SFPQ: variants seen among roughly 807,000 people sequenced by gnomAD.
SFPQ encodes the protein splicing factor proline and glutamine rich, also known as splicing factor, proline- and glutamine-rich.
SFPQ carries 11 observed loss-of-function variants against 72.9 expected under a neutral mutation model. The observed-to-expected ratio is 0.15, with a 90% confidence interval of 0.09 to 0.25. The LOEUF is 0.25. Ranked by LOEUF, SFPQ falls within the 10% of genes least tolerant of loss-of-function variation. The pLI is 1.00. For missense variants in SFPQ, 847 were observed against 993.3 expected (o/e 0.85, Z 1.98); for synonymous variants, 506 against 367.3 (o/e 1.38, Z -4.32).
At chr1:35,178,611 T>C (rs1557777938), downstream of SFPQ, 1 of 1,057,406 alleles carries the variant, frequency 9.5e-7, no homozygotes, top group East Asian at 5.2e-5. Flanking sequence ...GGAAAAGCTA[T>C]GCCTTACTGG....
chr1:35,190,391 C>A, intron 4 of SFPQ, 107 bp downstream of exon 4: 1 of 712,046 alleles, frequency 1.4e-6, no homozygotes. Flanking sequence ...TAAGCATATC[C>A]ACATCAAATA....
At chr1:35,186,538 TA>T (rs1639723471) in intron 9 of SFPQ, among the ~76,000 whole-genome samples, 1 of 152,120 alleles carries the variant, frequency 6.6e-6, no homozygotes. Context: ...CCACACCAAA[TA>T]TAGGTCAAAG....
rs1292636455 is a variant in SFPQ at position 35,189,170 on chromosome 1, G to A, written c.1612+16C>T. The A allele has an allele frequency of 8.1e-6, 13 of 1,613,376 alleles. No individual in the cohort carries two copies. In the East Asian group the frequency reaches 1.1e-4, roughly 14 times the overall value. ...AATTGACCTTAGCAATGATGTTCACGCACAGGTCTTTTTACCTTGGCGCAA... is the reference window on the plus strand; with the variant it reads ...AATTGACCTTAGCAATGATGTTCACACACAGGTCTTTTTACCTTGGCGCAA... On this transcript the variant is annotated intron_variant, in intron 5 of 9. Coordinates refer to ENST00000357214, the MANE Select transcript of SFPQ (RefSeq NM_005066.3).
Position 35,190,602 on chromosome 1 carries a change from A to G in SFPQ, c.1320-9T>C. ...TGACTGGACGAGGAGTTCTAATAAC[A>G]AAAATGGTTCCATCTTAGCTTTGTT... On this transcript the variant is annotated splice_polypyrimidine_tract_variant and intron_variant, in intron 3 of 9. Coordinates refer to ENST00000357214, the MANE Select transcript of SFPQ (RefSeq NM_005066.3). 6.2e-7 allele frequency: 1 copy of G among 1,611,068 alleles called. No individual in the cohort carries two copies. The highest frequency in any genetic ancestry group is 8.5e-7 in the Non-Finnish European group (1 of 1,178,162).
chr1:35,189,817 G>A (rs980837588), intron 4 of SFPQ, among the ~76,000 whole-genome samples: 1 of 152,080 alleles, frequency 6.6e-6, no homozygotes, highest in Admixed American at 6.6e-5. Context: ...GGGCATGGTG[G>A]CAGGCACCTG....
At chr1:35,181,333 A>G (rs973303857), downstream of SFPQ, 5 of 1,065,502 alleles carry the variant, frequency 4.7e-6, no homozygotes, top group Non-Finnish European at 5.7e-6. Context: ...TTCCGCCACA[A>G]CTTAGTGGCT....
At position 35,184,464 on chromosome 1, in the gene SFPQ, G is replaced by C; in HGVS notation, c.2116C>G (p.Arg706Gly). The C allele has an allele frequency of 6.2e-7, 1 of 1,607,546 alleles. No homozygotes were observed. The highest frequency in any genetic ancestry group is 8.5e-7 in the Non-Finnish European group (1 of 1,177,770). Residue 706 changes from arginine to glycine, a missense_variant, in exon 10 of 10, where the codon CGA becomes GGA. Coordinates refer to ENST00000357214, the MANE Select transcript of SFPQ (RefSeq NM_005066.3). Reference sequence around the variant, plus strand: ...AAGCCTAAATATCACATCTAAAATCGGGGTTTTTTGTTTGGGCCTTCGTAC... The same window carrying C: ...AAGCCTAAATATCACATCTAAAATCCGGGTTTTTTGTTTGGGCCTTCGTAC... ...EEYEGPNKKP[R>G]F
chr1:35,182,198 T>C (rs1037977071), downstream of SFPQ: 22 of 985,284 alleles, frequency 2.2e-5, no homozygotes, highest in Non-Finnish European at 2.5e-5. Context: ...GTTCACCCTC[T>C]GTGGGTGTCC....
At chr1:35,185,587 T>C (rs142540609) in intron 9 of SFPQ, among the ~76,000 whole-genome samples, 72 of 152,292 alleles carry the variant, frequency 4.7e-4, no homozygotes, top group African/African-American at 1.7e-3. Context: ...CTACACTTTT[T>C]CTCATTCCAT....
At chr1:35,181,552 G>A (rs189549650), downstream of SFPQ, 9,715 of 1,062,262 alleles carry the variant, frequency 9.1e-3, 59 homozygotes, top group Non-Finnish European at 0.01. Flanking sequence ...ATGAGCCAAT[G>A]GGCTATGCTT....
rs1381575651 is a variant in SFPQ at position 35,183,626 on chromosome 1, T to C, written c.*830A>G. On this transcript the variant is annotated 3_prime_UTR_variant, in exon 10 of 10. Transcript: ENST00000357214. ...TCATGTTTAACATCTTTAATTCAAA[T>C]GTAAAAGTTCAATACAAGCCATTTA... 4 of 1,033,056 alleles carry C rather than the reference T, an allele frequency of 3.9e-6. No homozygotes were observed. Among genetic ancestry groups the C allele is most frequent in the East Asian group, 6.0e-5 (1 of 16,550 alleles). The allele number at this position is 1,033,056 out of a possible 1,614,324, so 64.0% of individuals were successfully genotyped here.
At chr1:35,181,211 C>T (rs1308797937), downstream of SFPQ, 7 of 1,064,970 alleles carry the variant, frequency 6.6e-6, no homozygotes, top group South Asian at 2.3e-4. Flanking sequence ...TTGCCATTTG[C>T]GGTACTACGT....
chr1:35,188,900 G>T, intron 6 of SFPQ, 103 bp downstream of exon 6: 1 of 849,866 alleles, frequency 1.2e-6, no homozygotes, highest in Non-Finnish European at 1.9e-6. Context: ...AGCGGAGGTT[G>T]TGGTGAGCTG....
At chr1:35,179,065 G>A (rs1293458854), downstream of SFPQ, 18 of 1,057,022 alleles carry the variant, frequency 1.7e-5, no homozygotes, top group Non-Finnish European at 2.1e-5. Flanking sequence ...TCCCTAATAG[G>A]CAGCCATTTG....
At position 35,184,417 on chromosome 1, in the gene SFPQ, A is replaced by G; in HGVS notation, c.*39T>C. The G allele has an allele frequency of 6.3e-7, 1 of 1,591,858 alleles. No individual in the cohort carries two copies. On this transcript the variant is annotated 3_prime_UTR_variant, in exon 10 of 10. Transcript: ENST00000357214. ...TTTAAAAGATTGGTATCTAAACAAAAAAACAAAACAAACTGGAATGAAAGC... is the reference window on the plus strand; with the variant it reads ...TTTAAAAGATTGGTATCTAAACAAAGAAACAAAACAAACTGGAATGAAAGC...
At chr1:35,188,952 C>A in intron 6 of SFPQ, 51 bp downstream of exon 6, 2 of 1,434,336 alleles carry the variant, frequency 1.4e-6, no homozygotes, top group Non-Finnish European at 2.0e-6. Context: ...CAGAATGATA[C>A]GTTTCAAAGA....
downstream of SFPQ, chr1:35,182,835 A>G (rs1639525978): frequency 9.5e-7 from 1 of 1,048,726 alleles, no homozygotes. Context: ...CTCCCATTAT[A>G]CTAACAGGCA....
downstream of SFPQ, chr1:35,179,574 TA>T: frequency 9.5e-7 from 1 of 1,052,086 alleles, no homozygotes; most frequent in South Asian, 4.6e-5. Flanking sequence ...TTGAGTTTTT[TA>T]AAAAAACCCA....
intron 1 of SFPQ, 130 bp downstream of exon 1, chr1:35,192,074 GCCCCGCAGGCCGCCCCGC>G: frequency 5.8e-6 from 3 of 513,564 alleles, no homozygotes; most frequent in East Asian, 4.1e-5. Flanking sequence ...CCGACCGACG[GCCCCGCAGGCCGCCCCGC>G]CCCCGCAGCG....
Sources: gnomAD v4.1 joint callset for allele counts (sites outside exome capture counted in the v4.1 genomes callset) on GRCh38, gnomAD v4.1.1 for gene constraint, MANE v1.5 for transcripts, NCBI Gene and HGNC (gene_info 2026-07-23, HGNC 2026-07-21) for gene names.